GNAL: variants seen among roughly 807,000 people sequenced by gnomAD.
GNAL encodes guanine nucleotide-binding protein G(olf) subunit alpha.
A neutral mutation model predicts 55.1 loss-of-function variants in GNAL; 18 were observed. That is an observed-to-expected ratio of 0.33 (90% CI 0.23 to 0.48). The LOEUF (loss-of-function observed/expected upper bound fraction) is 0.48. GNAL is among the 20% of genes least tolerant of loss of function. The probability of loss-of-function intolerance (pLI) is 0.99; values close to 1 mark genes in which losing one functional copy is unlikely to be tolerated. For missense variants in GNAL, 412 were observed against 614.1 expected (o/e 0.67, Z 3.48); for synonymous variants, 253 against 237.0 (o/e 1.07, Z -0.62).
chr18:11,693,465 G>C (rs1796412645), intron 1 of GNAL, among the ~76,000 whole-genome samples: 1 of 152,138 alleles, frequency 6.6e-6, no homozygotes, highest in South Asian at 2.1e-4. Context: ...GGTTGACATT[G>C]TTTATCAATT....
intron 4 of GNAL, among the ~76,000 whole-genome samples, chr18:11,794,911 T>C (rs543174950): frequency 1.5e-4 from 23 of 152,214 alleles, no homozygotes; most frequent in African/African-American, 5.5e-4. Flanking sequence ...GGCGCGATCT[T>C]AGCTCACTGC....
rs189303201 is a variant in GNAL, at chr18:11,809,345, G to A, written c.625-15573G>A. Among the ~76,000 whole-genome samples the A allele has an allele frequency of 1.5e-3, 231 of 152,204 alleles. 3 individuals carry two copies. Among genetic ancestry groups the A allele is most frequent in the Admixed American group, 1.2e-3 (19 of 15,280 alleles). On this transcript the variant is annotated intron_variant, in intron 4 of 11. Transcript: ENST00000334049. ...GTCATGCAGAATTGCTTTTCTTGGT[G>A]ATAAAAATGTTCCAAAATTGATGGT...
intron 1 of GNAL, among the ~76,000 whole-genome samples, chr18:11,722,170 A>T (rs1489194813): frequency 6.6e-6 from 1 of 152,232 alleles, no homozygotes; most frequent in Non-Finnish European, 1.5e-5. Context: ...CAAAAGACTA[A>T]CAGTTTATTT....
chr18:11,817,732 GTGCGT>G (rs2034993902), intron 4 of GNAL, among the ~76,000 whole-genome samples: 1 of 151,526 alleles, frequency 6.6e-6, no homozygotes, highest in African/African-American at 2.4e-5. Flanking sequence ...GGGATTGCAG[GTGCGT>G]GCCACAACAC....
Position 11,868,018 on chromosome 18 carries a change from G to A in GNAL, c.911-525G>A, listed in dbSNP as rs924737730. Among the ~76,000 whole-genome samples, 7 of 151,792 alleles carry A rather than the reference G, an allele frequency of 4.6e-5. No individual in the cohort carries two copies. The highest frequency in any genetic ancestry group is 7.4e-5 in the Non-Finnish European group (5 of 67,910). ...CGCACACCTTTAATCCCAGCTACTC[G>A]GGAGGCTGAGGCAGGAGAATCACCT... On this transcript the variant is annotated intron_variant, in intron 8 of 11. Coordinates refer to ENST00000334049, the MANE Select transcript of GNAL (RefSeq NM_182978.4). The surrounding 1 kb of genome is among the most constrained non-coding windows in gnomAD (Gnocchi z 4.0).
Position 11,689,659 on chromosome 18 carries a change from C to CGCTCCG in GNAL, c.98_99insTCCGGC (p.Pro36_Ala37dup). On this transcript the variant is annotated inframe_insertion, in exon 1 of 12. Coordinates refer to ENST00000334049, the MANE Select transcript of GNAL (RefSeq NM_182978.4). ...AGCCGCCGGTGGAGGACGCGCAGCC[C>CGCTCCG]GCCCCGGCCCCGGCCCTGGCCCCAG... 1 of 1,368,854 alleles carries CGCTCCG rather than the reference C, an allele frequency of 7.3e-7. No individual in the cohort carries two copies. The highest frequency in any genetic ancestry group is 9.5e-7 in the Non-Finnish European group (1 of 1,056,084). The allele number at this position is 1,368,854 out of a possible 1,614,324, so 84.8% of individuals were successfully genotyped here. A position where few individuals can be genotyped will look rare whatever the true frequency, so the allele number is the denominator to read the frequency against.
intron 1 of GNAL, among the ~76,000 whole-genome samples, chr18:11,733,200 C>A (rs1229595880): frequency 1.3e-5 from 2 of 152,200 alleles, no homozygotes; most frequent in Non-Finnish European, 2.9e-5. Flanking sequence ...AAGCTGCGCC[C>A]GGGCGCGGGG....
chr18:11,795,823 G>A (rs1351603502), intron 4 of GNAL, among the ~76,000 whole-genome samples: 1 of 152,198 alleles, frequency 6.6e-6, no homozygotes, highest in Non-Finnish European at 1.5e-5. Flanking sequence ...GATGTCGCCT[G>A]GGTTCTGCAG....
chr18:11,756,024 T>TTA (rs1023355055), intron 4 of GNAL, among the ~76,000 whole-genome samples: 1 of 152,224 alleles, frequency 6.6e-6, no homozygotes, highest in Non-Finnish European at 1.5e-5. Context: ...GTAAAACATC[T>TTA]TATATATTTG....
At chr18:11,809,473 G>C (rs1255140239) in intron 4 of GNAL, among the ~76,000 whole-genome samples, 2 of 152,118 alleles carry the variant, frequency 1.3e-5, no homozygotes, top group Non-Finnish European at 2.9e-5. Context: ...CAATAAAGCT[G>C]TGACATGAAA....
rs746936497 is a variant in GNAL, at chr18:11,851,859, C to T, written c.723-10536C>T. The T allele has an allele frequency of 6.8e-6, 11 of 1,614,000 alleles. No individual in the cohort carries two copies. The South Asian group carries it at 1.2e-4, about 18-fold the overall frequency. On this transcript the variant is annotated intron_variant, in intron 5 of 11. Coordinates refer to ENST00000334049, the MANE Select transcript of GNAL (RefSeq NM_182978.4). ...TGGAGAAGATTTCTGCTTTGATGGA[C>T]AAATTCGAGCACCAGTTTGAGACTC...
chr18:11,769,089 G>A (rs7240055), intron 4 of GNAL, among the ~76,000 whole-genome samples: 3 of 63,222 alleles, frequency 4.7e-5, no homozygotes, highest in African/African-American at 3.8e-4. Flanking sequence ...TAAATTATAT[G>A]TAATATATAT....
intron 1 of GNAL, among the ~76,000 whole-genome samples, chr18:11,711,756 T>C (rs2031844210): frequency 6.6e-6 from 1 of 152,220 alleles, no homozygotes; most frequent in African/African-American, 2.4e-5. Flanking sequence ...TTTGTTCATT[T>C]AGTTGTGTCC....
intron 5 of GNAL, chr18:11,852,041 G>C: frequency 6.2e-7 from 1 of 1,613,734 alleles, no homozygotes. Context: ...GGCTCCGTGG[G>C]CACGAGCGTG....
intron 11 of GNAL, among the ~76,000 whole-genome samples, chr18:11,879,656 AGGGATTCCACACAACTTCAG>A (rs2036615829): frequency 6.6e-6 from 1 of 152,232 alleles, no homozygotes; most frequent in South Asian, 2.1e-4. Flanking sequence ...GCCAGTCGTC[AGGGATTCCACACAACTTCAG>A]GGAACACAAT....
chr18:11,846,464 T>TACACACACACACACAC (rs57334090), intron 5 of GNAL, among the ~76,000 whole-genome samples: 35 of 140,094 alleles, frequency 2.5e-4, no homozygotes, highest in Admixed American at 5.1e-4. Flanking sequence ...TATATAAATA[T>TACACACACACACACAC]ACACACACAC....
chr18:11,839,720 T>G (rs924065993), intron 5 of GNAL, among the ~76,000 whole-genome samples: 1 of 152,146 alleles, frequency 6.6e-6, no homozygotes, highest in African/African-American at 2.4e-5. Context: ...TGGAATATGA[T>G]TCCACCGCAA....
At chr18:11,866,473 C>A (rs1218083191) in intron 7 of GNAL, among the ~76,000 whole-genome samples, 1 of 150,344 alleles carries the variant, frequency 6.7e-6, no homozygotes, top group Non-Finnish European at 1.5e-5. Context: ...CAGGGAGAAA[C>A]GCCTTATGCG....
Position 11,868,932 on chromosome 18 carries a change from A to G in GNAL, c.1031+269A>G, listed in dbSNP as rs1377035438. ...TGAGGTAGGGGGATCACTTGAGCCC[A>G]GGAGGTAAGGGTTGCAATGAGCTGA... On this transcript the variant is annotated intron_variant, in intron 9 of 11. Transcript: ENST00000334049. This position sits in a 1 kb window ranked among gnomAD's most constrained non-coding sequence, Gnocchi z 4.0. Among the ~76,000 whole-genome samples the G allele has an allele frequency of 6.6e-6, 1 of 151,958 alleles. No individual in the cohort carries two copies. The highest frequency in any genetic ancestry group is 1.5e-5 in the Non-Finnish European group (1 of 67,992).
Sources: allele counts gnomAD v4.1 joint callset (sites outside exome capture counted in the v4.1 genomes callset), GRCh38; gene constraint gnomAD v4.1.1; non-coding constraint Gnocchi (gnomAD v3.1); transcripts MANE v1.5; gene names NCBI Gene and HGNC (gene_info 2026-07-23, HGNC 2026-07-21).